Variants in DNAH14 observed in about 807,000 individuals in gnomAD.
The protein encoded by DNAH14 is axonemal beta dynein heavy chain 14.
A neutral mutation model predicts 520.9 loss-of-function variants in DNAH14; 478 were observed. That is an observed-to-expected ratio of 0.92 (90% confidence interval 0.85 to 0.99). DNAH14 has a LOEUF of 0.99. DNAH14 is among the 50% of genes least tolerant of loss of function. DNAH14 has a pLI of 0.00. For missense variants in DNAH14, 4,831 were observed against 5,234.5 expected (o/e 0.92, Z 2.38); for synonymous variants, 1,581 against 1,757.2 (o/e 0.90, Z 2.51).
intron 23 of DNAH14, among the ~76,000 whole-genome samples, chr1:225,110,885 G>A (rs1259057320): frequency 6.6e-6 from 1 of 151,952 alleles, no homozygotes; most frequent in Non-Finnish European, 1.5e-5. Context: ...CACTGACATG[G>A]TCATTCAGGA....
At chr1:225,231,256 A>G in intron 42 of DNAH14, 105 bp downstream of exon 42, 1 of 742,920 alleles carries the variant, frequency 1.3e-6, no homozygotes, top group Non-Finnish European at 2.1e-6. Flanking sequence ...TTGTATTTTC[A>G]TAGTATCAGA....
In DNAH14 at chr1:225,265,187, C is replaced by A; in HGVS notation, c.7228C>A (p.Pro2410Thr). 2 of 1,465,236 alleles carry A rather than the reference C, an allele frequency of 1.4e-6. No individual in the cohort carries two copies. Among genetic ancestry groups the A allele is most frequent in the South Asian group, 2.9e-5 (2 of 68,104 alleles). The allele number at this position is 1,465,236 out of a possible 1,614,324, so 90.8% of individuals were successfully genotyped here. ...TTCTATGTTTGGCATCACAGATAAT[C>A]CCACTAAAAAGCCAGAAGTTAGAAC... Reference protein sequence around the residue: ...HKTATGSSDNPTKKPEVRTNK... With the variant: ...HKTATGSSDNTTKKPEVRTNK... The change falls in exon 48 of 86, where the codon CCC (proline) becomes ACC (threonine). Residue 2410 changes from proline (P) to threonine (T), a missense_variant. Pro to Thr is a conservative substitution (Grantham distance 38). Transcript: ENST00000682510.
intron 59 of DNAH14, 33 bp downstream of exon 59, chr1:225,307,602 T>C: frequency 2.0e-6 from 3 of 1,482,624 alleles, no homozygotes; most frequent in Non-Finnish European, 2.7e-6. Flanking sequence ...TTTAAAGATT[T>C]TATAGTCTAA....
intron 60 of DNAH14, among the ~76,000 whole-genome samples, 159 bp downstream of exon 60, chr1:225,308,569 C>G (rs2094296056): frequency 6.6e-6 from 1 of 152,174 alleles, no homozygotes; most frequent in Admixed American, 6.5e-5. Context: ...TGAGTCCCTA[C>G]TACACACAGG....
intron 28 of DNAH14, among the ~76,000 whole-genome samples, chr1:225,143,041 CT>C: frequency 6.6e-6 from 1 of 152,084 alleles, no homozygotes; most frequent in Non-Finnish European, 1.5e-5. Context: ...GACAAAAATA[CT>C]TTCTAAACTG....
rs2080037287 is a variant in DNAH14 at position 225,147,250 on chromosome 1, G to A, written c.4940+1G>A. The A allele has an allele frequency of 6.5e-7, 1 of 1,540,388 alleles. No individual in the cohort carries two copies. ...CTGCAAAAGACAACTATTCTGCCAGGTATTTGTCGAATGTGTTTATACCTT... is the reference window on the plus strand; with the variant it reads ...CTGCAAAAGACAACTATTCTGCCAGATATTTGTCGAATGTGTTTATACCTT... On this transcript the variant is annotated splice_donor_variant, in intron 31 of 85. Coordinates refer to ENST00000682510, the MANE Select transcript of DNAH14 (RefSeq NM_001367479.1). LOFTEE classifies it high-confidence loss of function.
At chr1:225,243,277 T>TATA (rs1178416884) in intron 43 of DNAH14, among the ~76,000 whole-genome samples, 4 of 151,820 alleles carry the variant, frequency 2.6e-5, no homozygotes, top group Non-Finnish European at 5.9e-5. Context: ...ATCTGAAATA[T>TATA]CAGTATAAAA....
intron 41 of DNAH14, among the ~76,000 whole-genome samples, chr1:225,209,917 A>C (rs2088127670): frequency 6.6e-6 from 1 of 152,146 alleles, no homozygotes; most frequent in East Asian, 1.9e-4. Context: ...TCCCTCCCCT[A>C]GCCAAGAGAA....
intron 17 of DNAH14, among the ~76,000 whole-genome samples, chr1:225,052,585 G>A (rs530666096): frequency 1.5e-4 from 23 of 152,284 alleles, no homozygotes; most frequent in South Asian, 8.3e-4. Context: ...GAGAGGGATA[G>A]ATTCAATAGA....
rs535482318 is a variant in DNAH14, at chr1:225,085,581, C to A, written c.3365C>A (p.Thr1122Asn). Reference sequence around the variant, plus strand: ...GAAAATGAAATAAATGATATGTCAACCTCAGCAACTAATGAAGCTGCTCTT... The same window carrying A: ...GAAAATGAAATAAATGATATGTCAAACTCAGCAACTAATGAAGCTGCTCTT... Reference protein sequence around the residue: ...QYENEINDMSTSATNEAALEK... With the variant: ...QYENEINDMSNSATNEAALEK... The change falls in exon 21 of 86, where the codon ACC (threonine) becomes AAC (asparagine). Residue 1122 changes from threonine (T) to asparagine (N), a missense_variant. Physicochemically the swap from Thr to Asn is moderately conservative, Grantham distance 65. Transcript: ENST00000682510. 18 of 1,548,824 alleles carry A rather than the reference C, an allele frequency of 1.2e-5. No homozygotes were observed. The highest frequency in any genetic ancestry group is 2.0e-5 in the Admixed American group (1 of 50,964).
rs568429703 is a variant in DNAH14 at position 225,321,587 on chromosome 1, T to C, written c.9336-1077T>C. 1.6e-4 allele frequency among the ~76,000 whole-genome samples: 25 copies of C among 152,306 alleles called. No individual in the cohort carries two copies. The South Asian group carries it at 4.4e-3, about 27-fold the overall frequency. On this transcript the variant is annotated intron_variant, in intron 61 of 85. Transcript: ENST00000682510. Reference sequence around the variant, plus strand: ...GAGGCTCATTACCCATGTGTGGACCTACCCTGCCTTGTTCCAAGTTCCAAA... The same window carrying C: ...GAGGCTCATTACCCATGTGTGGACCCACCCTGCCTTGTTCCAAGTTCCAAA...
At chr1:225,266,451 A>G (rs41314272) in intron 48 of DNAH14, among the ~76,000 whole-genome samples, 190 bp from the exon 49 acceptor site, 7,457 of 152,234 alleles carry the variant, frequency 0.049, 289 homozygotes, top group Non-Finnish European at 0.073. Context: ...TTTAAAAATC[A>G]TATCTTCCAA....
chr1:225,080,618 A>G lies in DNAH14; in HGVS notation c.3006A>G (p.Leu1002=). The change falls in exon 19 of 86, where the codon CTA becomes CTG. Residue 1002 remains leucine, a synonymous_variant. Transcript: ENST00000682510. The part of the protein sequence containing the change: ...IEGDLTLRKK[L]WEAQEEWKRA... ...GTGACTTGACTTTGAGGAAAAAACT[A>G]TGGGAAGCACAAGAGGAGTGGAAGC... is the stretch of plus-strand genomic sequence containing the variant. 3 of 1,552,186 alleles carry G rather than the reference A, an allele frequency of 1.9e-6. No homozygotes were observed. The highest frequency in any genetic ancestry group is 2.6e-6 in the Non-Finnish European group (3 of 1,147,092).
intron 27 of DNAH14, among the ~76,000 whole-genome samples, chr1:225,127,594 A>T (rs1573327657): frequency 1.3e-5 from 2 of 152,100 alleles, no homozygotes; most frequent in East Asian, 3.9e-4. Flanking sequence ...TTTTGAGCCT[A>T]TGTGTGTCTC....
chr1:225,352,897 C>CT (rs2150483895), intron 72 of DNAH14, among the ~76,000 whole-genome samples: 1 of 152,028 alleles, frequency 6.6e-6, no homozygotes, highest in East Asian at 1.9e-4. Context: ...GAGTCATTAT[C>CT]TTTTTATTTT....
intron 54 of DNAH14, among the ~76,000 whole-genome samples, chr1:225,287,208 A>T (rs1002474803): frequency 4.6e-5 from 7 of 152,188 alleles, no homozygotes; most frequent in African/African-American, 1.7e-4. Context: ...AATGTTTACA[A>T]ATTTAGAAAA....
intron 26 of DNAH14, among the ~76,000 whole-genome samples, chr1:225,121,682 A>C (rs1285326096): frequency 1.3e-5 from 2 of 151,956 alleles, no homozygotes; most frequent in Non-Finnish European, 2.9e-5. Context: ...CTCTACTAAA[A>C]ATACAAAATT....
intron 40 of DNAH14, among the ~76,000 whole-genome samples, chr1:225,206,719 A>G (rs1482723325): frequency 2.0e-5 from 3 of 152,156 alleles, no homozygotes; most frequent in African/African-American, 4.8e-5. Context: ...CCACATACAC[A>G]TAGCCTCAAT....
At chr1:225,124,205 A>G (rs1307677880) in intron 27 of DNAH14, among the ~76,000 whole-genome samples, 2 of 152,162 alleles carry the variant, frequency 1.3e-5, no homozygotes, top group Non-Finnish European at 2.9e-5. Context: ...CTAGATTTTG[A>G]TGGTTGCTGA....
Sources: gnomAD v4.1 joint callset for allele counts (sites outside exome capture counted in the v4.1 genomes callset) on GRCh38, gnomAD v4.1.1 for gene constraint, MANE v1.5 for transcripts, NCBI Gene and HGNC (gene_info 2026-07-23, HGNC 2026-07-21) for gene names.